Variants in ABHD12 observed in about 807,000 individuals in gnomAD.
The protein encoded by ABHD12 is lysophosphatidylserine lipase ABHD12.
ABHD12 carries 43 observed loss-of-function variants against 58.3 expected under a neutral mutation model. The ratio of observed to expected loss-of-function variants is 0.74; its 90% CI spans 0.58 to 0.95. The LOEUF (loss-of-function observed/expected upper bound fraction) is 0.95. ABHD12 is among the 40% of genes least tolerant of loss of function. The pLI, the probability that ABHD12 is intolerant of heterozygous loss-of-function variation, is 0.00. For missense variants in ABHD12, 539 were observed against 537.2 expected (o/e 1.00, Z -0.03); for synonymous variants, 219 against 211.2 (o/e 1.04, Z -0.32).
At chr20:25,310,054 A>T in intron 6 of ABHD12, 13 of 164,074 alleles carry the variant, frequency 7.9e-5, no homozygotes, top group Admixed American at 1.8e-4. Context: ...AAGGCAGTGA[A>T]AGCCTCTGCC....
chr20:25,359,453 A>G (rs2089715791), intron 1 of ABHD12, among the ~76,000 whole-genome samples: 1 of 149,086 alleles, frequency 6.7e-6, no homozygotes, highest in Admixed American at 6.7e-5. Context: ...AAACATTTCT[A>G]TTTCACTGTT....
At position 25,390,662 on chromosome 20, in the gene ABHD12, G is replaced by A. The variant is rs1401325665; in HGVS notation, c.42C>T (p.Arg14=). 2.1e-6 allele frequency: 3 copies of A among 1,439,896 alleles called. No homozygotes were observed. Among genetic ancestry groups the A allele is most frequent in the Non-Finnish European group, 1.8e-6 (2 of 1,100,318 alleles). 89.2% of individuals were successfully genotyped at this position (1,439,896 alleles called of 1,614,324 possible). The change falls in exon 1 of 13, where the codon CGC becomes CGT. Residue 14 remains arginine, a synonymous_variant. Transcript: ENST00000339157. ...RTEPVALEHE[R]CAAAGSSSSG... is the part of the protein sequence containing the mutation. The stretch of plus-strand genomic sequence containing the variant: ...AGGAGGACGAGCCCGCGGCGGCGCA[G>A]CGCTCATGCTCCAAGGCGACGGGCT...
chr20:25,303,665 A>C (rs1213634123), intron 10 of ABHD12, 37 bp from the exon 11 acceptor site: 5 of 1,611,902 alleles, frequency 3.1e-6, no homozygotes, highest in Non-Finnish European at 4.2e-6. Flanking sequence ...AAGACCAGGG[A>C]AAGGGCAGAG....
chr20:25,311,362 G>T (rs2088846293), intron 6 of ABHD12, among the ~76,000 whole-genome samples: 1 of 152,202 alleles, frequency 6.6e-6, no homozygotes, highest in Non-Finnish European at 1.5e-5. Context: ...GTGAGCCAAG[G>T]AACACAGGTG....
chr20:25,339,803 C>G, intron 1 of ABHD12: 5 of 1,218,562 alleles, frequency 4.1e-6, no homozygotes, highest in Non-Finnish European at 5.3e-6. Context: ...GCACGTAGAC[C>G]AAGGACATCA....
intron 1 of ABHD12, among the ~76,000 whole-genome samples, chr20:25,359,594 G>T (rs1328239282): frequency 1.3e-5 from 2 of 151,716 alleles, no homozygotes; most frequent in Admixed American, 6.6e-5. Context: ...AGCAGGGAAA[G>T]AATTTTGCTC....
intron 3 of ABHD12, among the ~76,000 whole-genome samples, chr20:25,322,381 A>ATATATATATTTTTTT: frequency 1.9e-4 from 11 of 59,266 alleles, no homozygotes; most frequent in African/African-American, 2.5e-4. Context: ...ATATATATAT[A>ATATATATATTTTTTT]TTTTTTTTTT....
chr20:25,386,241 G>A (rs139943784), intron 1 of ABHD12, among the ~76,000 whole-genome samples: 147 of 151,296 alleles, frequency 9.7e-4, no homozygotes, highest in Non-Finnish European at 1.7e-3. Flanking sequence ...TCTCACAAAT[G>A]ATGTAAAATT....
intron 1 of ABHD12, among the ~76,000 whole-genome samples, chr20:25,348,820 C>T (rs762464192): frequency 3.3e-5 from 5 of 152,074 alleles, no homozygotes; most frequent in East Asian, 1.9e-4. Flanking sequence ...CGGTGGCTCA[C>T]GTCTGTAATC....
At chr20:25,353,360 CA>C (rs546377204) in intron 1 of ABHD12, among the ~76,000 whole-genome samples, 1 of 151,260 alleles carries the variant, frequency 6.6e-6, no homozygotes, top group East Asian at 1.9e-4. Flanking sequence ...GTAAATAACT[CA>C]AACAAAAAAT....
chr20:25,338,683 T>C (rs375250298), intron 2 of ABHD12, among the ~76,000 whole-genome samples: 2 of 152,162 alleles, frequency 1.3e-5, no homozygotes, highest in East Asian at 3.8e-4. Flanking sequence ...ACCAAAGTAC[T>C]GTGTATCTGG....
chr20:25,384,827 T>C (rs954369151), intron 1 of ABHD12, among the ~76,000 whole-genome samples: 18 of 152,186 alleles, frequency 1.2e-4, no homozygotes, highest in Non-Finnish European at 5.9e-5. Context: ...TGGGACCACA[T>C]TCCTGCCAGG....
intron 1 of ABHD12, among the ~76,000 whole-genome samples, chr20:25,376,018 G>A (rs570948191): frequency 1.2e-4 from 19 of 152,262 alleles, no homozygotes; most frequent in Non-Finnish European, 2.2e-4. Flanking sequence ...AGCCACTTGG[G>A]AGGCTGAGGC....
rs749710608 is a variant in ABHD12 at position 25,306,860 on chromosome 20, C to T, written c.923G>A (p.Ser308Asn). The change falls in exon 10 of 13, where the codon AGT becomes AAT. Residue 308 changes from serine (S) to asparagine (N), a missense_variant. Physicochemically the swap from Ser to Asn is conservative, Grantham distance 46. Transcript: ENST00000339157. ...DWFFLDPITS[S>N]GIKFANDENV... Reference sequence around the variant, plus strand: ...TTCATCATTTGCAAATTTAATTCCACTACTTGTAATAGGATCAAGGAAGAA... The same window carrying T: ...TTCATCATTTGCAAATTTAATTCCATTACTTGTAATAGGATCAAGGAAGAA... The T allele has an allele frequency of 2.4e-5, 38 of 1,612,702 alleles. No individual in the cohort carries two copies. The highest frequency in any genetic ancestry group is 3.1e-5 in the Non-Finnish European group (36 of 1,178,854).
chr20:25,302,188 G>A lies in ABHD12; in HGVS notation c.1157+31C>T, dbSNP rs749323860. The A allele has an allele frequency of 6.1e-5, 99 of 1,612,078 alleles. 1 individual carries two copies. Among genetic ancestry groups the A allele is most frequent in the Admixed American group, 1.3e-4 (8 of 59,996 alleles). Reference sequence around the variant, plus strand: ...AGGTGTGAGCCAGTGCTGCCCAGACGAAGCCCCTGGGTGGGAAGAGAATGT... The same window carrying A: ...AGGTGTGAGCCAGTGCTGCCCAGACAAAGCCCCTGGGTGGGAAGAGAATGT... On this transcript the variant is annotated intron_variant, in intron 12 of 12. Transcript: ENST00000339157.
At chr20:25,295,810 C>T (rs916201418), downstream of ABHD12, 27 of 946,452 alleles carry the variant, frequency 2.9e-5, 1 homozygote, top group South Asian at 1.0e-4. Context: ...TGTCATCAGT[C>T]GGCTGTGCCT....
intron 1 of ABHD12, among the ~76,000 whole-genome samples, chr20:25,380,012 C>A (rs1028067794): frequency 6.6e-6 from 1 of 152,194 alleles, no homozygotes; most frequent in African/African-American, 2.4e-5. Flanking sequence ...GTGTGTGCCA[C>A]CGCACCTGGC....
At chr20:25,362,231 C>T (rs2089759434) in intron 1 of ABHD12, among the ~76,000 whole-genome samples, 1 of 150,590 alleles carries the variant, frequency 6.6e-6, no homozygotes, top group South Asian at 2.1e-4. Context: ...GGTGAGCCAA[C>T]ATTGTGCCAT....
intron 1 of ABHD12, among the ~76,000 whole-genome samples, chr20:25,362,950 GGCGT>G (rs2089772497): frequency 6.6e-6 from 1 of 151,946 alleles, no homozygotes; most frequent in East Asian, 2.0e-4. Context: ...TGGGATTACA[GGCGT>G]GAACCACTGT....
Sources: gnomAD v4.1 joint callset for allele counts (sites outside exome capture counted in the v4.1 genomes callset) on GRCh38, gnomAD v4.1.1 for gene constraint, MANE v1.5 for transcripts, NCBI Gene and HGNC (gene_info 2026-07-23, HGNC 2026-07-21) for gene names.